The following GCA variants were observed in gnomAD, a reference collection of about 807,000 sequenced individuals.
GCA encodes the protein grancalcin, EF-hand calcium-binding protein.
A neutral mutation model predicts 32.6 loss-of-function variants in GCA; 30 were observed. The observed-to-expected ratio is 0.92, with a 90% CI of 0.69 to 1.25. GCA has a LOEUF of 1.25. Among genes scored for constraint, GCA ranks in the 50% most tolerant of loss-of-function variants. The pLI, the probability that GCA is intolerant of heterozygous loss-of-function variation, is 0.00. For synonymous variants in GCA, 102 were observed against 84.6 expected (o/e 1.21, Z -1.13); for missense variants, 291 against 266.8 (o/e 1.09, Z -0.63).
chr2:162,319,016 C>A, upstream of GCA: 1 of 381,096 alleles, frequency 2.6e-6, no homozygotes, highest in Non-Finnish European at 5.3e-6. Context: ...GAAACTGCCA[C>A]AGACCCGGAC....
upstream of GCA, among the ~76,000 whole-genome samples, chr2:162,342,365 A>G (rs1664839958): frequency 6.6e-6 from 1 of 152,238 alleles, no homozygotes; most frequent in South Asian, 2.1e-4. Context: ...AGTTGGCAGA[A>G]TGTGTGAGAT....
At chr2:162,364,756 T>C (rs899452831), downstream of GCA, among the ~76,000 whole-genome samples, 6 of 151,498 alleles carry the variant, frequency 4.0e-5, no homozygotes, top group African/African-American at 1.5e-4. Context: ...TAAGAAAGTA[T>C]GAAACTCGGG....
chr2:162,360,387 C>A lies in GCA; in HGVS notation c.*144C>A. 1 of 1,344,382 alleles carries A rather than the reference C, an allele frequency of 7.4e-7. No individual in the cohort carries two copies. The highest frequency in any genetic ancestry group is 9.6e-7 in the Non-Finnish European group (1 of 1,036,972). The allele number at this position is 1,344,382 out of a possible 1,614,324, so 83.3% of individuals were successfully genotyped here. A position where few individuals can be genotyped will look rare whatever the true frequency, so the allele number is the denominator to read the frequency against. ...CCCTTTCTGTGTGTTTTTATTTTAGCAGATAGTTCAAAGCAATAAAAGATT... is the reference window on the plus strand; with the variant it reads ...CCCTTTCTGTGTGTTTTTATTTTAGAAGATAGTTCAAAGCAATAAAAGATT... On this transcript the variant is annotated 3_prime_UTR_variant, in exon 8 of 8. Transcript: ENST00000437150.
At chr2:162,323,915 C>T (rs1576252090) in intron 1 of GCA, among the ~76,000 whole-genome samples, 2 of 151,958 alleles carry the variant, frequency 1.3e-5, no homozygotes, top group Admixed American at 1.3e-4. Context: ...TCCATATGAA[C>T]TTTAAAGTAG....
chr2:162,342,240 A>G (rs907364269), upstream of GCA, among the ~76,000 whole-genome samples: 3 of 152,172 alleles, frequency 2.0e-5, no homozygotes, highest in African/African-American at 7.2e-5. Context: ...TCATGGTAGG[A>G]ACTTTCTTTG....
At chr2:162,371,128 G>A (rs1344069785) in intron 4 of GCA, among the ~76,000 whole-genome samples, 3 of 152,070 alleles carry the variant, frequency 2.0e-5, no homozygotes, top group Non-Finnish European at 4.4e-5. Context: ...TTGTTTTTAA[G>A]CCTTCTAGGA....
chr2:162,320,484 T>C (rs1683623266), intron 1 of GCA, among the ~76,000 whole-genome samples: 1 of 152,338 alleles, frequency 6.6e-6, no homozygotes, highest in East Asian at 1.9e-4. Context: ...TTCTGTTTCT[T>C]GGTTTCAAAC....
chr2:162,322,559 C>T (rs1174626890), intron 1 of GCA, among the ~76,000 whole-genome samples: 1 of 107,256 alleles, frequency 9.3e-6, no homozygotes, highest in East Asian at 3.5e-4. Flanking sequence ...CCTCCCCCCT[C>T]CCCCCACCCC....
At chr2:162,335,089 C>T (rs769358141) in intron 1 of GCA, among the ~76,000 whole-genome samples, 24 of 152,148 alleles carry the variant, frequency 1.6e-4, no homozygotes, top group Non-Finnish European at 3.4e-4. Flanking sequence ...GTTTAACCTA[C>T]TCAACATATC....
chr2:162,333,200 A>C (rs1036145426), intron 1 of GCA, among the ~76,000 whole-genome samples: 1 of 152,072 alleles, frequency 6.6e-6, no homozygotes, highest in Non-Finnish European at 1.5e-5. Flanking sequence ...ATTTTGTTGA[A>C]GGTGGGAAAG....
At chr2:162,340,491 C>T (rs958829367), upstream of GCA, among the ~76,000 whole-genome samples, 6 of 152,162 alleles carry the variant, frequency 3.9e-5, no homozygotes, top group African/African-American at 1.4e-4. Flanking sequence ...TCTAGATTAC[C>T]AACAGATTGC....
intron 1 of GCA, among the ~76,000 whole-genome samples, chr2:162,344,801 T>C (rs986659319): frequency 6.6e-6 from 1 of 152,164 alleles, no homozygotes; most frequent in Non-Finnish European, 1.5e-5. Flanking sequence ...TTGTTATAAC[T>C]TTTATCCTGC....
chr2:162,338,721 C>T (rs939419842), intron 1 of GCA, among the ~76,000 whole-genome samples: 1 of 152,092 alleles, frequency 6.6e-6, no homozygotes, highest in Non-Finnish European at 1.5e-5. Context: ...TCTGATCTTA[C>T]CTGAAAAGCA....
At chr2:162,339,304 T>TA (rs905504578), upstream of GCA, among the ~76,000 whole-genome samples, 9 of 152,064 alleles carry the variant, frequency 5.9e-5, no homozygotes, top group East Asian at 3.8e-4. Flanking sequence ...TATTCCATAT[T>TA]AAAAAAATGA....
At chr2:162,343,482 C>CA (rs535222419), upstream of GCA, among the ~76,000 whole-genome samples, 59 of 152,304 alleles carry the variant, frequency 3.9e-4, no homozygotes, top group African/African-American at 1.4e-3. Flanking sequence ...GACATACTTA[C>CA]ACTAAAAAAG....
chr2:162,332,875 A>AGT (rs1684146814), intron 1 of GCA, among the ~76,000 whole-genome samples: 1 of 152,104 alleles, frequency 6.6e-6, no homozygotes, highest in Admixed American at 6.5e-5. Flanking sequence ...GATGTGATGG[A>AGT]GAGAGGCTCA....
At chr2:162,323,601 G>A (rs188538841) in intron 1 of GCA, among the ~76,000 whole-genome samples, 272 of 152,000 alleles carry the variant, frequency 1.8e-3, no homozygotes, top group Non-Finnish European at 2.5e-3. Context: ...TGTAAGGAAG[G>A]AACCCAGTTT....
At chr2:162,325,666 T>C (rs1683848679) in intron 1 of GCA, among the ~76,000 whole-genome samples, 1 of 152,134 alleles carries the variant, frequency 6.6e-6, no homozygotes, top group African/African-American at 2.4e-5. Flanking sequence ...TTGGATAATG[T>C]TTGCCCCCTT....
At chr2:162,320,872 C>T (rs1004816698) in intron 1 of GCA, among the ~76,000 whole-genome samples, 4 of 152,126 alleles carry the variant, frequency 2.6e-5, no homozygotes, top group Admixed American at 2.6e-4. Context: ...CCCTGAAGAC[C>T]ATAGTAAATC....
Sources: gnomAD v4.1 joint callset for allele counts (sites outside exome capture counted in the v4.1 genomes callset) on GRCh38, gnomAD v4.1.1 for gene constraint, MANE v1.5 for transcripts, NCBI Gene and HGNC (gene_info 2026-07-23, HGNC 2026-07-21) for gene names.